The following CNTN6 variants were observed in gnomAD, a reference collection of about 807,000 sequenced individuals.
The protein encoded by CNTN6 is contactin 6, also known as contactin-6.
CNTN6 carries 137 observed loss-of-function variants against 122.8 expected under a neutral mutation model. That is an observed-to-expected ratio of 1.12 (90% CI 0.97 to 1.29). The LOEUF is 1.29. Among genes scored for constraint, CNTN6 ranks in the 50% most tolerant of loss-of-function variants. The pLI, the probability that CNTN6 is intolerant of heterozygous loss-of-function variation, is 0.00. For synonymous variants in CNTN6, 570 were observed against 426.0 expected (o/e 1.34, Z -4.16); for missense variants, 1,634 against 1,223.4 (o/e 1.34, Z -5.01).
Position 1,201,099 on chromosome 3 carries a change from T to TTGTGTGTG in CNTN6, c.56-19548_56-19541dup, listed in dbSNP as rs57028088. Among the ~76,000 whole-genome samples the TTGTGTGTG allele has an allele frequency of 9.0e-3, 1,168 of 130,064 alleles. 26 individuals are homozygous for TTGTGTGTG. Among genetic ancestry groups the TTGTGTGTG allele is most frequent in the East Asian group, 0.061 (260 of 4,270 alleles). The allele number at this position is 130,064 out of a possible 152,430, so 85.3% of individuals were successfully genotyped here. A position where few individuals can be genotyped will look rare whatever the true frequency, so the allele number is the denominator to read the frequency against. ...GGCACCACTGTGCCCAGCTAACATTTTGTGTGTGTGTGTGTGTGTGTGTGT... is the reference window on the plus strand; with the variant it reads ...GGCACCACTGTGCCCAGCTAACATTTTGTGTGTGTGTGTGTGTGTGTGTGTGTGTGTGT... On this transcript the variant is annotated intron_variant, in intron 2 of 22. Coordinates refer to ENST00000446702, the MANE Select transcript of CNTN6 (RefSeq NM_001289080.2).
chr3:1,375,196 G>A (rs1709686455), intron 16 of CNTN6, among the ~76,000 whole-genome samples: 1 of 152,078 alleles, frequency 6.6e-6, no homozygotes, highest in Admixed American at 6.6e-5. Flanking sequence ...CTGGATATGA[G>A]CTTTAGTTTC....
At chr3:1,262,159 G>A (rs530509523) in intron 4 of CNTN6, among the ~76,000 whole-genome samples, 3 of 152,282 alleles carry the variant, frequency 2.0e-5, no homozygotes, top group Non-Finnish European at 4.4e-5. Context: ...AGTTACAGAT[G>A]TGCGGCATTA....
chr3:1,311,364 T>TAAAATGTCTTTATATATACATAC (rs1699239784), intron 7 of CNTN6, among the ~76,000 whole-genome samples: 6 of 123,788 alleles, frequency 4.8e-5, no homozygotes, highest in African/African-American at 1.6e-4. Flanking sequence ...TATGTACATA[T>TAAAATGTCTTTATATATACATAC]ATGTACATAT....
chr3:1,269,463 T>A (rs1020005674), intron 4 of CNTN6, among the ~76,000 whole-genome samples: 1 of 152,224 alleles, frequency 6.6e-6, no homozygotes, highest in African/African-American at 2.4e-5. Flanking sequence ...GTTCCATAAT[T>A]GTGTTCTGTT....
chr3:1,395,436 T>A (rs1283600755), intron 20 of CNTN6, among the ~76,000 whole-genome samples: 2 of 152,094 alleles, frequency 1.3e-5, no homozygotes, highest in Non-Finnish European at 2.9e-5. Flanking sequence ...ACCACCCATA[T>A]CCCTGGCTTG....
chr3:1,279,362 G>C (rs370485239), intron 5 of CNTN6, among the ~76,000 whole-genome samples: 1 of 97,684 alleles, frequency 1.0e-5, no homozygotes, highest in Non-Finnish European at 2.0e-5. Context: ...GGAGTCATTT[G>C]GTACAAACCA....
chr3:1,311,728 C>T (rs1477622556), intron 7 of CNTN6, among the ~76,000 whole-genome samples: 1 of 151,352 alleles, frequency 6.6e-6, no homozygotes, highest in Non-Finnish European at 1.5e-5. Flanking sequence ...TACATATATC[C>T]TTCCTGTCTT....
chr3:1,099,367 C>T (rs557023970), intron 1 of CNTN6, among the ~76,000 whole-genome samples: 141 of 151,974 alleles, frequency 9.3e-4, no homozygotes, highest in African/African-American at 2.9e-3. Flanking sequence ...GGGAGAATGG[C>T]GGGAACCCGG....
chr3:1,325,658 TG>T (rs1463621950), intron 8 of CNTN6, among the ~76,000 whole-genome samples, 156 bp from the exon 9 acceptor site: 1 of 151,820 alleles, frequency 6.6e-6, no homozygotes, highest in Non-Finnish European at 1.5e-5. Context: ...CAACCCGCAT[TG>T]AAGCTCCTGC....
intron 5 of CNTN6, among the ~76,000 whole-genome samples, chr3:1,289,218 G>C (rs1164286693): frequency 6.6e-6 from 1 of 151,980 alleles, no homozygotes; most frequent in Non-Finnish European, 1.5e-5. Context: ...CACAGATTAA[G>C]CACAGCAGTG....
intron 5 of CNTN6, among the ~76,000 whole-genome samples, chr3:1,289,698 A>G (rs9834712): frequency 0.1 from 14,873 of 142,724 alleles, 2,605 homozygotes; most frequent in African/African-American, 0.36. Flanking sequence ...TTTTTGAGAC[A>G]GAGTCTCGCT....
intron 2 of CNTN6, among the ~76,000 whole-genome samples, chr3:1,151,065 G>T (rs1425181372): frequency 1.3e-5 from 2 of 152,076 alleles, no homozygotes; most frequent in African/African-American, 4.8e-5. Flanking sequence ...CCTTTTTTCA[G>T]CCCCGTGAAT....
At chr3:1,355,801 G>A (rs1250808235) in intron 12 of CNTN6, among the ~76,000 whole-genome samples, 1 of 151,840 alleles carries the variant, frequency 6.6e-6, no homozygotes, top group East Asian at 1.9e-4. Context: ...AAGAAATGTT[G>A]TTGTTAGATA....
intron 2 of CNTN6, among the ~76,000 whole-genome samples, chr3:1,200,544 A>T (rs976856221): frequency 2.0e-5 from 3 of 152,090 alleles, no homozygotes; most frequent in Non-Finnish European, 4.4e-5. Context: ...AAAAGACTAG[A>T]TTTGGCCTGA....
intron 10 of CNTN6, among the ~76,000 whole-genome samples, chr3:1,328,330 G>C (rs1459494633): frequency 6.6e-6 from 1 of 151,836 alleles, no homozygotes; most frequent in Non-Finnish European, 1.5e-5. Flanking sequence ...CACAATAAAT[G>C]ACGCGTTGAT....
intron 2 of CNTN6, among the ~76,000 whole-genome samples, chr3:1,217,810 G>A (rs1412166745): frequency 6.6e-6 from 1 of 152,192 alleles, no homozygotes; most frequent in East Asian, 1.9e-4. Flanking sequence ...AACAGAGGCT[G>A]AGGCCGGGTA....
intron 2 of CNTN6, among the ~76,000 whole-genome samples, chr3:1,174,979 G>T (rs1575120799): frequency 6.6e-6 from 1 of 152,076 alleles, no homozygotes; most frequent in Non-Finnish European, 1.5e-5. Context: ...GGCCATTCCT[G>T]TAATTCCAGC....
chr3:1,280,916 C>G (rs1693296009), intron 5 of CNTN6, among the ~76,000 whole-genome samples: 5 of 152,124 alleles, frequency 3.3e-5, no homozygotes, highest in Admixed American at 2.0e-4. Flanking sequence ...GAATTTCTTG[C>G]CATGAGCATT....
At chr3:1,249,551 A>T (rs2094630187) in intron 4 of CNTN6, among the ~76,000 whole-genome samples, 1 of 152,184 alleles carries the variant, frequency 6.6e-6, no homozygotes, top group African/African-American at 2.4e-5. Flanking sequence ...TCTACTCATG[A>T]CAGAAAATGC....
Sources: gnomAD v4.1 joint callset for allele counts (sites outside exome capture counted in the v4.1 genomes callset) on GRCh38, gnomAD v4.1.1 for gene constraint, MANE v1.5 for transcripts, NCBI Gene and HGNC (gene_info 2026-07-23, HGNC 2026-07-21) for gene names.